MS4A12: variants seen among roughly 807,000 people sequenced by gnomAD.
MS4A12 encodes the protein membrane-spanning 4-domains subfamily A member 12.
MS4A12 carries 28 observed loss-of-function variants against 23.7 expected under a neutral mutation model. That is an observed-to-expected ratio of 1.18 (90% CI 0.88 to 1.62). The LOEUF (loss-of-function observed/expected upper bound fraction) is 1.62. MS4A12 is among the 40% of genes most tolerant of loss of function. MS4A12 has a pLI of 0.00. For synonymous variants in MS4A12, 108 were observed against 110.1 expected (o/e 0.98, Z 0.12); for missense variants, 342 against 327.0 (o/e 1.05, Z -0.35).
intron 1 of MS4A12, 103 bp downstream of exon 1, chr11:60,492,931 G>A (rs2086459967): frequency 6.6e-6 from 1 of 152,174 alleles, no homozygotes; most frequent in Admixed American, 6.5e-5. Context: ...TTGGAGGGAT[G>A]AAGACAAGTT....
intron 5 of MS4A12, among the ~76,000 whole-genome samples, chr11:60,505,030 C>T (rs1171465438): frequency 6.6e-6 from 1 of 152,096 alleles, no homozygotes; most frequent in Non-Finnish European, 1.5e-5. Flanking sequence ...ACACTGTTTG[C>T]AGTGTAAGGA....
chr11:60,496,509 A>G (rs967472171), intron 1 of MS4A12, among the ~76,000 whole-genome samples: 9 of 152,202 alleles, frequency 5.9e-5, no homozygotes, highest in Non-Finnish European at 1.2e-4. Flanking sequence ...TTTCCTAAAG[A>G]ACAGAAGAAT....
At chr11:60,500,055 C>T (rs1029848951) in intron 2 of MS4A12, among the ~76,000 whole-genome samples, 14 of 151,834 alleles carry the variant, frequency 9.2e-5, no homozygotes, top group East Asian at 5.8e-4. Context: ...CTGGCTAACC[C>T]GTGAAACCCC....
chr11:60,502,068 C>G, intron 4 of MS4A12, 29 bp downstream of exon 4: 1 of 1,582,310 alleles, frequency 6.3e-7, no homozygotes, highest in Non-Finnish European at 8.7e-7. Context: ...ACTTTTTGAA[C>G]CCCTTTAAAG....
intron 5 of MS4A12, among the ~76,000 whole-genome samples, chr11:60,506,085 G>T (rs1479267727): frequency 2.0e-5 from 3 of 152,202 alleles, no homozygotes; most frequent in African/African-American, 7.2e-5. Flanking sequence ...AGTTGTAATG[G>T]AAGCAAGGAA....
rs2086498868 is a variant in MS4A12, at chr11:60,497,578, A to G, written c.260A>G (p.Glu87Gly). The change falls in exon 2 of 7, where the codon GAA becomes GGA. Residue 87 changes from glutamate (E) to glycine (G), a missense_variant. Coordinates refer to ENST00000016913, the MANE Select transcript of MS4A12 (RefSeq NM_017716.3). ...VGTAVMNFKEEAKALGVIQIM... is the reference protein window; with the variant it reads ...VGTAVMNFKEGAKALGVIQIM... ...ACAGCAGTAATGAACTTTAAAGAAG[A>G]AGCAAAGGCACTAGGGGTAAGTCTA... is the stretch of plus-strand genomic sequence containing the variant. 2 of 1,613,994 alleles carry G rather than the reference A, an allele frequency of 1.2e-6. No homozygotes were observed. The highest frequency in any genetic ancestry group is 1.7e-6 in the Non-Finnish European group (2 of 1,179,960).
chr11:60,497,281 C>T (rs2086494414), intron 1 of MS4A12, 32 bp from the exon 2 acceptor site: 1 of 1,559,010 alleles, frequency 6.4e-7, no homozygotes, highest in South Asian at 1.2e-5. Context: ...TCTGGATAAA[C>T]GTATCACTTT....
chr11:60,505,763 G>A (rs1259561460), intron 5 of MS4A12, among the ~76,000 whole-genome samples: 3 of 152,088 alleles, frequency 2.0e-5, no homozygotes, highest in Non-Finnish European at 2.9e-5. Context: ...AATCCTGTAT[G>A]GTACAAGACC....
At position 60,506,754 on chromosome 11, in the gene MS4A12, G is replaced by T. The variant is rs141480500; in HGVS notation, c.615G>T (p.Thr205=). The T allele has an allele frequency of 1.2e-6, 2 of 1,613,974 alleles. No homozygotes were observed. The highest frequency in any genetic ancestry group is 2.7e-5 in the African/African-American group (2 of 74,922). ...TTTCTGGAAAAGGCATTTCAGCCAC[G>T]CTGATGATCTTCTCCCTCTTGGAGT... ...AVLSGKGISA[T]LMIFSLLEFF... The change falls in exon 6 of 7, where the codon ACG becomes ACT. Residue 205 remains threonine, a synonymous_variant. Coordinates refer to ENST00000016913, the MANE Select transcript of MS4A12 (RefSeq NM_017716.3).
chr11:60,494,269 C>A (rs926372134), intron 1 of MS4A12, among the ~76,000 whole-genome samples: 1 of 152,090 alleles, frequency 6.6e-6, no homozygotes, highest in Non-Finnish European at 1.5e-5. Context: ...GTGAAATTTA[C>A]AGATCTTAGT....
chr11:60,503,927 C>G (rs2086551242), intron 5 of MS4A12, 110 bp downstream of exon 5: 11 of 896,286 alleles, frequency 1.2e-5, no homozygotes, highest in Non-Finnish European at 6.9e-6. Context: ...AATGTTTTTT[C>G]TATTCTAGCC....
At chr11:60,493,920 A>G (rs2086468616) in intron 1 of MS4A12, among the ~76,000 whole-genome samples, 1 of 152,200 alleles carries the variant, frequency 6.6e-6, no homozygotes, top group African/African-American at 2.4e-5. Context: ...ATCTCATCAG[A>G]GCTCCAATAT....
chr11:60,497,735 C>T, intron 2 of MS4A12, 141 bp downstream of exon 2: 3 of 954,786 alleles, frequency 3.1e-6, no homozygotes, highest in Non-Finnish European at 4.6e-6. Context: ...TTTAGTCTGC[C>T]TATAGACTTT....
intron 6 of MS4A12, 86 bp downstream of exon 6, chr11:60,506,924 T>A (rs2135237257): frequency 6.6e-7 from 1 of 1,518,678 alleles, no homozygotes; most frequent in East Asian, 2.3e-5. Context: ...ACTATCGGCT[T>A]ACCAGAATGC....
chr11:60,503,928 T>C (rs2086551267), intron 5 of MS4A12, 111 bp downstream of exon 5: 1 of 901,032 alleles, frequency 1.1e-6, no homozygotes, highest in Non-Finnish European at 1.7e-6. Context: ...ATGTTTTTTC[T>C]ATTCTAGCCC....
intron 5 of MS4A12, among the ~76,000 whole-genome samples, chr11:60,504,082 C>G (rs1053456612): frequency 6.6e-6 from 1 of 152,142 alleles, no homozygotes; most frequent in South Asian, 2.1e-4. Flanking sequence ...GGATAGGCCT[C>G]CATGGCTTCT....
Position 60,502,135 on chromosome 11 carries a change from G to C in MS4A12, c.471+96G>C, listed in dbSNP as rs2086535228. 2.4e-6 allele frequency: 3 copies of C among 1,262,486 alleles called. No individual in the cohort carries two copies. The East Asian group carries it at 7.0e-5, about 29-fold the overall frequency. The allele number at this position is 1,262,486 out of a possible 1,614,324, so 78.2% of individuals were successfully genotyped here. ...AAAGCTGGATTTGGGAAATGCAAAA[G>C]GGAGCACCTTTCCCAAAAAAAATCT... On this transcript the variant is annotated intron_variant, in intron 4 of 6. Transcript: ENST00000016913.
chr11:60,507,420 T>C lies in MS4A12; in HGVS notation c.*296T>C, dbSNP rs2086579484. 3.1e-6 allele frequency: 1 copy of C among 317,684 alleles called. No homozygotes were observed. The highest frequency in any genetic ancestry group is 2.2e-5 in the African/African-American group (1 of 46,450). The allele number at this position is 317,684 out of a possible 1,614,324, so 19.7% of individuals were successfully genotyped here. ...TACTTTTTCCTTAATAAAATGTCAT[T>C]AGAAACAAAAGCCTTTTTCAGTATG... is the stretch of plus-strand genomic sequence containing the variant. On this transcript the variant is annotated 3_prime_UTR_variant, in exon 7 of 7. Transcript: ENST00000016913.
Position 60,497,541 on chromosome 11 carries a change from C to T in MS4A12, c.223C>T (p.Pro75Ser), listed in dbSNP as rs146116909. 3.7e-6 allele frequency: 6 copies of T among 1,613,900 alleles called. No homozygotes were observed. The highest frequency in any genetic ancestry group is 5.1e-6 in the Non-Finnish European group (6 of 1,179,932). Residue 75 changes from proline (P) to serine (S), a missense_variant, in exon 2 of 7, where the codon CCA becomes TCA. Coordinates refer to ENST00000016913, the MANE Select transcript of MS4A12 (RefSeq NM_017716.3). ...PGQGNIQMINPSVGTAVMNFK... is the reference protein window; with the variant it reads ...PGQGNIQMINSSVGTAVMNFK... ...TCAAGGAAATATACAAATGATAAAT[C>T]CAAGTGTGGGAACAGCAGTAATGAA...
Sources: gnomAD v4.1 joint callset for allele counts (sites outside exome capture counted in the v4.1 genomes callset) on GRCh38, gnomAD v4.1.1 for gene constraint, MANE v1.5 for transcripts, NCBI Gene and HGNC (gene_info 2026-07-23, HGNC 2026-07-21) for gene names.